The following FBF1 variants were observed in gnomAD, a reference collection of about 807,000 sequenced individuals.
The protein encoded by FBF1 is Fas binding factor 1, also known as fas-binding factor 1.
FBF1 carries 119 observed loss-of-function variants against 147.2 expected under a neutral mutation model. The ratio of observed to expected loss-of-function variants is 0.81; its 90% CI spans 0.70 to 0.94. The LOEUF (loss-of-function observed/expected upper bound fraction) is 0.94, where lower values mean the gene tolerates loss of function less well. FBF1 is among the 40% of genes least tolerant of loss of function. The pLI is 0.00. For missense variants in FBF1, 1,449 were observed against 1,500.8 expected (o/e 0.97, Z 0.57); for synonymous variants, 601 against 609.0 (o/e 0.99, Z 0.19).
chr17:75,917,596 T>C (rs1391470486), intron 23 of FBF1, 136 bp downstream of exon 23: 12 of 780,724 alleles, frequency 1.5e-5, no homozygotes, highest in Non-Finnish European at 1.0e-5. Flanking sequence ...CAGGGAGATG[T>C]AGAGGCAGGA....
Position 75,920,266 on chromosome 17 carries a change from C to T in FBF1, c.1830+8G>A. The T allele has an allele frequency of 6.2e-7, 1 of 1,607,424 alleles. No homozygotes were observed. The highest frequency in any genetic ancestry group is 1.1e-5 in the South Asian group (1 of 90,702). Reference sequence around the variant, plus strand: ...GCCACCAGCACCAACGGCCCCGCTGCCCCTCACCTGGGCCTCCAGCTCTGC... The same window carrying T: ...GCCACCAGCACCAACGGCCCCGCTGTCCCTCACCTGGGCCTCCAGCTCTGC... On this transcript the variant is annotated splice_region_variant and intron_variant, in intron 18 of 29. Coordinates refer to ENST00000636174, the MANE Select transcript of FBF1 (RefSeq NM_001319193.2).
chr17:75,924,470 A>C (rs1344928546), intron 13 of FBF1, among the ~76,000 whole-genome samples: 3 of 152,312 alleles, frequency 2.0e-5, no homozygotes, highest in South Asian at 4.1e-4. Context: ...TGCTGTTCTT[A>C]CAACTTCTGA....
intron 9 of FBF1, 81 bp downstream of exon 9, chr17:75,927,374 G>A (rs1383860070): frequency 8.3e-7 from 1 of 1,209,198 alleles, no homozygotes; most frequent in African/African-American, 1.5e-5. Context: ...GCAGCAGCTG[G>A]GCCTCGGGCC....
At chr17:75,912,714 G>T (rs1213235942) in intron 28 of FBF1, among the ~76,000 whole-genome samples, 1 of 152,160 alleles carries the variant, frequency 6.6e-6, no homozygotes, top group Non-Finnish European at 1.5e-5. Flanking sequence ...TAAAGTTATT[G>T]AAAAACACAT....
intron 1 of FBF1, chr17:75,939,821 C>G (rs537332119): frequency 6.6e-6 from 1 of 152,390 alleles, no homozygotes; most frequent in African/African-American, 2.4e-5. Flanking sequence ...AACCCACCTA[C>G]AGGATGTCCT....
intron 8 of FBF1, 93 bp downstream of exon 8, chr17:75,927,983 G>C: frequency 9.9e-7 from 1 of 1,009,910 alleles, no homozygotes. Flanking sequence ...GGACATGAAC[G>C]CTTCCTACTA....
At chr17:75,912,107 G>T in intron 29 of FBF1, 85 bp downstream of exon 29, 1 of 1,359,756 alleles carries the variant, frequency 7.4e-7, no homozygotes, top group Non-Finnish European at 1.0e-6. Flanking sequence ...CCCCTCCCCA[G>T]GGCTACCATG....
At position 75,910,754 on chromosome 17, in the gene FBF1, C is replaced by A; in HGVS notation, c.3416G>T (p.Gly1139Val). The A allele has an allele frequency of 6.2e-7, 1 of 1,611,400 alleles. No individual in the cohort carries two copies. Among genetic ancestry groups the A allele is most frequent in the Non-Finnish European group, 8.5e-7 (1 of 1,178,948 alleles). ...TGAATGAGATGTCAAATTGTAGGAC[C>A]CTTTCTTCAGGGTCTCCAGGAAGAA... ...EQFFLETLKK[G>V]SYNLTSHSA The change falls in exon 30 of 30, where the codon GGG becomes GTG. Residue 1139 changes from glycine (G) to valine (V), a missense_variant. Gly to Val is a moderately radical substitution (Grantham distance 109, BLOSUM62 -3). Coordinates refer to ENST00000636174, the MANE Select transcript of FBF1 (RefSeq NM_001319193.2). The surrounding 1 kb of genome is among the most constrained non-coding windows in gnomAD (Gnocchi z 4.1).
At chr17:75,930,636 T>A (rs1489913388) in intron 6 of FBF1, among the ~76,000 whole-genome samples, 1 of 152,092 alleles carries the variant, frequency 6.6e-6, no homozygotes, top group Non-Finnish European at 1.5e-5. Flanking sequence ...CAAAAATTAT[T>A]TTCTTTGGCT....
intron 24 of FBF1, 23 bp downstream of exon 24, chr17:75,914,994 C>T (rs751594661): frequency 6.2e-7 from 1 of 1,612,676 alleles, no homozygotes; most frequent in South Asian, 1.1e-5. Flanking sequence ...GGGGCAGGGG[C>T]TGAGTGCGGT....
At chr17:75,921,411 A>C in intron 16 of FBF1, 61 bp downstream of exon 16, 5 of 1,563,168 alleles carry the variant, frequency 3.2e-6, no homozygotes, top group Non-Finnish European at 3.5e-6. Context: ...AAGGAAGCTC[A>C]AAGCACCTCT....
intron 2 of FBF1, 119 bp from the exon 3 acceptor site, chr17:75,937,712 G>A: frequency 2.0e-6 from 2 of 1,007,772 alleles, no homozygotes; most frequent in Non-Finnish European, 3.1e-6. Context: ...GAGCACCAAT[G>A]GCATTTAGAG....
At chr17:75,933,495 C>A (rs373963960) in intron 4 of FBF1, among the ~76,000 whole-genome samples, 2 of 152,106 alleles carry the variant, frequency 1.3e-5, no homozygotes, top group Non-Finnish European at 2.9e-5. Flanking sequence ...TCGCTTGAAC[C>A]GGGAGACGGA....
Position 75,923,515 on chromosome 17 carries a change from C to T in FBF1, c.1095G>A (p.Glu365=), listed in dbSNP as rs778116927. ...GGADWLGLKD[E]DLDLFPASPT... The stretch of plus-strand genomic sequence containing the variant: ...GTGAGGCAGGGAACAGGTCCAAGTC[C>T]TCGTCCTTGAGGCCCAACCAGTCAG... The change falls in exon 14 of 30, where the codon GAG becomes GAA. Residue 365 remains glutamate (E), a synonymous_variant. Transcript: ENST00000636174. This position sits in a 1 kb window ranked among gnomAD's most constrained non-coding sequence, Gnocchi z 4.1. 6.2e-7 allele frequency: 1 copy of T among 1,605,752 alleles called. No homozygotes were observed. The highest frequency in any genetic ancestry group is 8.5e-7 in the Non-Finnish European group (1 of 1,176,488).
rs1253001281 is a variant in FBF1, at chr17:75,922,447, T to C, written c.1425-401A>G. ...CCATTATTTCCACCTCTTTCTCGGC[T>C]CACGGGTCAGTGAAGAGACAGGCTC... On this transcript the variant is annotated intron_variant, in intron 14 of 29. Transcript: ENST00000636174. The surrounding 1 kb of genome is among the most constrained non-coding windows in gnomAD (Gnocchi z 5.0). Among the ~76,000 whole-genome samples the C allele has an allele frequency of 6.6e-6, 1 of 152,178 alleles. No homozygotes were observed. The highest frequency in any genetic ancestry group is 1.5e-5 in the Non-Finnish European group (1 of 68,028).
intron 29 of FBF1, 38 bp downstream of exon 29, chr17:75,912,154 C>A: frequency 6.4e-7 from 1 of 1,560,746 alleles, no homozygotes; most frequent in East Asian, 2.3e-5. Flanking sequence ...TGGAAGGACT[C>A]GTGAACACAA....
chr17:75,940,157 G>A (rs1314057103), intron 1 of FBF1, among the ~76,000 whole-genome samples: 1 of 151,538 alleles, frequency 6.6e-6, no homozygotes, highest in African/African-American at 2.4e-5. Flanking sequence ...TTGGCCAGGA[G>A]GTCTCGAACT....
At position 75,923,344 on chromosome 17, in the gene FBF1, G is replaced by A; in HGVS notation, c.1266C>T (p.Ser422=). The change falls in exon 14 of 30, where the codon AGC becomes AGT. Residue 422 remains serine, a synonymous_variant. Coordinates refer to ENST00000636174, the MANE Select transcript of FBF1 (RefSeq NM_001319193.2). This position sits in a 1 kb window ranked among gnomAD's most constrained non-coding sequence, Gnocchi z 4.1. ...TEGAGSPAKA[S]QASKLRASKE... is the part of the protein sequence containing the mutation. The stretch of plus-strand genomic sequence containing the variant: ...TGGAGGCTCGCAGCTTGGAAGCCTG[G>A]CTGGCTTTGGCAGGGGACCCTGCAC... 6.2e-7 allele frequency: 1 copy of A among 1,603,450 alleles called. No homozygotes were observed. Among genetic ancestry groups the A allele is most frequent in the Non-Finnish European group, 8.5e-7 (1 of 1,175,392 alleles).
chr17:75,911,896 C>A (rs1337247098), intron 29 of FBF1, among the ~76,000 whole-genome samples: 1 of 152,212 alleles, frequency 6.6e-6, no homozygotes, highest in East Asian at 1.9e-4. Context: ...AAGTGATCCT[C>A]CTGCTTCAAC....
Sources: allele counts gnomAD v4.1 joint callset (sites outside exome capture counted in the v4.1 genomes callset), GRCh38; gene constraint gnomAD v4.1.1; non-coding constraint Gnocchi (gnomAD v3.1); transcripts MANE v1.5; gene names NCBI Gene and HGNC (gene_info 2026-07-23, HGNC 2026-07-21).